HCN1: variants seen among roughly 807,000 people sequenced by gnomAD.
The protein encoded by HCN1 is hyperpolarization activated cyclic nucleotide gated potassium channel 1, also known as potassium/sodium hyperpolarization-activated cyclic nucleotide-gated channel 1.
HCN1 carries 13 observed loss-of-function variants against 78.9 expected under a neutral mutation model. That is an observed-to-expected ratio of 0.16 (90% CI 0.11 to 0.26). HCN1 has a LOEUF of 0.26. Among genes scored for constraint, HCN1 ranks in the 10% least tolerant of loss-of-function variants. HCN1 has a pLI of 1.00. For synonymous variants in HCN1, 552 were observed against 455.5 expected (o/e 1.21, Z -2.70); for missense variants, 810 against 1,154.3 (o/e 0.70, Z 4.32).
chr5:45,310,447 A>C (rs1745827643), intron 5 of HCN1, among the ~76,000 whole-genome samples: 1 of 152,192 alleles, frequency 6.6e-6, no homozygotes. Context: ...AAGACATGTA[A>C]ATCAAAACCA....
In HCN1 at chr5:45,428,069, TAATATC is replaced by T. The variant is rs1348251623; in HGVS notation, c.1012-31365_1012-31360del. ...GCTGTTTTTCATTGTTCAAGCCACT[TAATATC>T]TATGAACCTGTATTCACTTCTATTC... On this transcript the variant is annotated intron_variant, in intron 3 of 7. Coordinates refer to ENST00000303230, the MANE Select transcript of HCN1 (RefSeq NM_021072.4). Among the ~76,000 whole-genome samples, 5 of 152,198 alleles carry T rather than the reference TAATATC, an allele frequency of 3.3e-5. No individual in the cohort carries two copies. In the East Asian group the frequency reaches 9.6e-4, roughly 29 times the overall value.
chr5:45,566,802 C>G (rs1743716058), intron 2 of HCN1, among the ~76,000 whole-genome samples: 1 of 152,148 alleles, frequency 6.6e-6, no homozygotes, highest in African/African-American at 2.4e-5. Context: ...GAGGAAAATG[C>G]CCAAGCAAGA....
chr5:45,671,270 C>A (rs2112075493), intron 1 of HCN1, among the ~76,000 whole-genome samples: 1 of 151,572 alleles, frequency 6.6e-6, no homozygotes, highest in South Asian at 2.1e-4. Flanking sequence ...ATGTCATATC[C>A]CTTCACTAGT....
chr5:45,497,068 T>C (rs145624164), intron 2 of HCN1, among the ~76,000 whole-genome samples: 3 of 152,120 alleles, frequency 2.0e-5, no homozygotes, highest in Non-Finnish European at 4.4e-5. Context: ...GTCTGAGAGA[T>C]AGTTTGTTAT....
chr5:45,308,291 C>A (rs1305152772), intron 5 of HCN1, among the ~76,000 whole-genome samples: 1 of 151,968 alleles, frequency 6.6e-6, no homozygotes, highest in Non-Finnish European at 1.5e-5. Context: ...AAATAAATTT[C>A]TTTATAAATA....
intron 2 of HCN1, among the ~76,000 whole-genome samples, chr5:45,626,725 A>C (rs963333691): frequency 2.0e-5 from 3 of 152,136 alleles, no homozygotes; most frequent in Non-Finnish European, 1.5e-5. Flanking sequence ...GCAAAAGGGG[A>C]AAACAATACA....
At chr5:45,315,808 A>T (rs1272695486) in intron 5 of HCN1, among the ~76,000 whole-genome samples, 1 of 152,190 alleles carries the variant, frequency 6.6e-6, no homozygotes, top group African/African-American at 2.4e-5. Flanking sequence ...AAACTAGAAA[A>T]TGTAGAAGAA....
intron 2 of HCN1, among the ~76,000 whole-genome samples, chr5:45,525,577 T>C (rs1241170400): frequency 6.6e-6 from 1 of 151,750 alleles, no homozygotes; most frequent in Non-Finnish European, 1.5e-5. Context: ...TAGGGAGTAA[T>C]AAATAAATAA....
In HCN1 at chr5:45,695,890, GCCA is replaced by G; in HGVS notation, c.201_203del (p.Gly74del). The G allele has an allele frequency of 6.9e-7, 1 of 1,446,208 alleles. No homozygotes were observed. The highest frequency in any genetic ancestry group is 9.2e-7 in the Non-Finnish European group (1 of 1,090,548). 89.6% of individuals were successfully genotyped at this position (1,446,208 alleles called of 1,614,324 possible). On this transcript the variant is annotated inframe_deletion, in exon 1 of 8. Transcript: ENST00000303230. Reference sequence around the variant, plus strand: ...GCTCCTCGCCGCCGCCGCCGCCGCCGCCACCGCCGCCACCGCCGTCCACCTTGA... The same window carrying G: ...GCTCCTCGCCGCCGCCGCCGCCGCCGCCGCCGCCACCGCCGTCCACCTTGA...
intron 2 of HCN1, among the ~76,000 whole-genome samples, chr5:45,634,344 G>T (rs1009201841): frequency 6.6e-6 from 1 of 151,866 alleles, no homozygotes; most frequent in African/African-American, 2.4e-5. Flanking sequence ...TGATACTCTT[G>T]AAGATGATAA....
In HCN1 at chr5:45,563,117, T is replaced by G. The variant is rs1048388580; in HGVS notation, c.849+82068A>C. On this transcript the variant is annotated intron_variant, in intron 2 of 7. Transcript: ENST00000303230. Reference sequence around the variant, plus strand: ...TTAACATTTATCATACCTGGATTTATCTTTCTTTTTTATAGTGAATATATG... The same window carrying G: ...TTAACATTTATCATACCTGGATTTAGCTTTCTTTTTTATAGTGAATATATG... Among the ~76,000 whole-genome samples the G allele has an allele frequency of 2.6e-5, 4 of 152,226 alleles. No individual in the cohort carries two copies. In the East Asian group the frequency reaches 7.7e-4, roughly 29 times the overall value.
intron 5 of HCN1, among the ~76,000 whole-genome samples, chr5:45,317,013 C>T (rs921431551): frequency 1.3e-5 from 2 of 152,020 alleles, no homozygotes; most frequent in South Asian, 2.1e-4. Flanking sequence ...TGATTCAATG[C>T]CATCCCCATC....
At chr5:45,396,411 G>T (rs1362436451) in intron 4 of HCN1, 81 bp downstream of exon 4, 4 of 1,000,088 alleles carry the variant, frequency 4.0e-6, no homozygotes, top group East Asian at 5.2e-5. Context: ...AGAGGAGATG[G>T]TGTAGTTATC....
chr5:45,605,974 C>A (rs1189982438), intron 2 of HCN1, among the ~76,000 whole-genome samples: 8 of 148,952 alleles, frequency 5.4e-5, no homozygotes, highest in Non-Finnish European at 1.2e-4. Flanking sequence ...CAAAGGTAAG[C>A]ATACTTGATG....
rs1747430873 is a variant in HCN1, at chr5:45,372,637, TTATATAA to T, written c.1231-19398_1231-19392del. ...TTTATATAAAAATATATAAAACATT[TTATATAA>T]AAATATATAAAACATTTATATATAA... On this transcript the variant is annotated intron_variant, in intron 4 of 7. Transcript: ENST00000303230. 1.5e-5 allele frequency among the ~76,000 whole-genome samples: 2 copies of T among 129,946 alleles called. 1 individual carries two copies. The highest frequency in any genetic ancestry group is 5.8e-5 in the African/African-American group (2 of 34,460). The allele number at this position is 129,946 out of a possible 152,430, so 85.2% of individuals were successfully genotyped here. A position where few individuals can be genotyped will look rare whatever the true frequency, so the allele number is the denominator to read the frequency against.
chr5:45,495,265 T>G (rs1742000193), intron 2 of HCN1, among the ~76,000 whole-genome samples: 1 of 114,428 alleles, frequency 8.7e-6, no homozygotes, highest in Non-Finnish European at 1.8e-5. Flanking sequence ...TTGTATCCTC[T>G]TTTATTTCCT....
intron 4 of HCN1, among the ~76,000 whole-genome samples, chr5:45,360,329 CAACA>C (rs1166823515): frequency 6.6e-6 from 1 of 151,230 alleles, no homozygotes; most frequent in Non-Finnish European, 1.5e-5. Flanking sequence ...CTTCAAAGAC[CAACA>C]ATCAACTTTC....
intron 3 of HCN1, among the ~76,000 whole-genome samples, chr5:45,398,932 T>G (rs1739741293): frequency 6.6e-6 from 1 of 152,242 alleles, no homozygotes; most frequent in Non-Finnish European, 1.5e-5. Flanking sequence ...CTTTCTAAAG[T>G]GCTTACTGCC....
chr5:45,374,028 TTATA>T (rs1173300826), intron 4 of HCN1, among the ~76,000 whole-genome samples: 7 of 96,138 alleles, frequency 7.3e-5, no homozygotes, highest in Middle Eastern at 0.016. Context: ...ATTATATATA[TTATA>T]TACATAATAT....
Sources: gnomAD v4.1 joint callset for allele counts (sites outside exome capture counted in the v4.1 genomes callset) on GRCh38, gnomAD v4.1.1 for gene constraint, MANE v1.5 for transcripts, NCBI Gene and HGNC (gene_info 2026-07-23, HGNC 2026-07-21) for gene names.